The following ALX4 variants were observed in gnomAD, a reference collection of about 807,000 sequenced individuals.
ALX4 encodes homeobox protein aristaless-like 4.
A neutral mutation model predicts 40.6 loss-of-function variants in ALX4; 22 were observed. The ratio of observed to expected loss-of-function variants is 0.54; its 90% CI spans 0.39 to 0.77. The LOEUF is 0.77. Ranked by LOEUF, ALX4 falls within the 30% of genes least tolerant of loss-of-function variation. ALX4 has a pLI of 0.00. For missense variants in ALX4, 556 were observed against 564.8 expected, an observed-to-expected ratio of 0.98 and a Z score of 0.16; for synonymous variants, 266 against 240.5, an observed-to-expected ratio of 1.11 and a Z score of -0.98.
chr11:44,281,570 G>A (rs1029123521), intron 1 of ALX4, among the ~76,000 whole-genome samples: 11 of 151,944 alleles, frequency 7.2e-5, no homozygotes, highest in African/African-American at 1.7e-4. Flanking sequence ...ACCCTGTGGC[G>A]GAGTGCACAC....
At chr11:44,280,337 C>A (rs1490775909) in intron 1 of ALX4, among the ~76,000 whole-genome samples, 4 of 152,242 alleles carry the variant, frequency 2.6e-5, no homozygotes. Flanking sequence ...CACACCCACC[C>A]TGCCACCACA....
intron 1 of ALX4, among the ~76,000 whole-genome samples, chr11:44,292,554 A>C (rs1347950846): frequency 6.6e-6 from 1 of 152,118 alleles, no homozygotes; most frequent in East Asian, 1.9e-4. Flanking sequence ...CAACTTCCTT[A>C]AAGTTGATAA....
At chr11:44,298,536 A>G (rs1956416743) in intron 1 of ALX4, among the ~76,000 whole-genome samples, 1 of 152,176 alleles carries the variant, frequency 6.6e-6, no homozygotes, top group South Asian at 2.1e-4. Context: ...AGCGGGCAGG[A>G]CACGGAACTC....
chr11:44,304,588 G>A (rs2119904895), intron 1 of ALX4, among the ~76,000 whole-genome samples: 1 of 152,290 alleles, frequency 6.6e-6, no homozygotes, highest in African/African-American at 2.4e-5. Context: ...CAGTCCAGGG[G>A]TCTGCAGAGA....
chr11:44,298,989 T>C (rs1371278134), intron 1 of ALX4, among the ~76,000 whole-genome samples: 3 of 152,106 alleles, frequency 2.0e-5, no homozygotes, highest in Admixed American at 2.0e-4. Flanking sequence ...GCATCTACTA[T>C]ATAGACTAGC....
Position 44,300,941 on chromosome 11 carries a change from C to T in ALX4, c.466+8656G>A, listed in dbSNP as rs114015275. 4.5e-3 allele frequency among the ~76,000 whole-genome samples: 687 copies of T among 152,342 alleles called. 5 individuals carry two copies. The highest frequency in any genetic ancestry group is 0.016 in the African/African-American group (662 of 41,590). ...CTACCAAACCCTGGTGGCGCCTGCA[C>T]GCCCCAGGGCAAGCCAGCCTGACCT... On this transcript the variant is annotated intron_variant, in intron 1 of 3. Transcript: ENST00000652299.
At chr11:44,291,153 T>G (rs1025195562) in intron 1 of ALX4, among the ~76,000 whole-genome samples, 4 of 152,132 alleles carry the variant, frequency 2.6e-5, no homozygotes, top group Non-Finnish European at 4.4e-5. Context: ...CACATACATA[T>G]AACAAAGACT....
intron 1 of ALX4, among the ~76,000 whole-genome samples, chr11:44,298,629 T>C (rs989113477): frequency 2.0e-5 from 3 of 152,016 alleles, no homozygotes; most frequent in Non-Finnish European, 2.9e-5. Context: ...CCCCGGGGGC[T>C]GTGGCAGTCA....
chr11:44,278,850 T>A (rs1590693253), intron 1 of ALX4, among the ~76,000 whole-genome samples: 1 of 151,478 alleles, frequency 6.6e-6, no homozygotes, highest in Admixed American at 6.6e-5. Flanking sequence ...AGGGGGAGGG[T>A]GTGCCTGTGT....
rs1956493649 is a variant in ALX4, at chr11:44,309,644, T to A, written c.419A>T (p.Gln140Leu). 43 of 1,593,496 alleles carry A rather than the reference T, an allele frequency of 2.7e-5. No homozygotes were observed. The highest frequency in any genetic ancestry group is 3.5e-5 in the Non-Finnish European group (41 of 1,176,154). ...CGCGCTGTGGCCGCTGCTGCCTTCC[T>A]GGAGTTTGAGGCTGCCGTCCGGGGG... ...KTPPDGSLKL[Q>L]EGSSGHSAAL... is the part of the protein sequence containing the mutation. The change falls in exon 1 of 4, where the codon CAG (glutamine) becomes CTG (leucine). Residue 140 changes from glutamine to leucine, a missense_variant. Coordinates refer to ENST00000652299, the MANE Select transcript of ALX4 (RefSeq NM_021926.4).
At chr11:44,298,717 A>G (rs1956417872) in intron 1 of ALX4, among the ~76,000 whole-genome samples, 1 of 152,038 alleles carries the variant, frequency 6.6e-6, no homozygotes, top group Non-Finnish European at 1.5e-5. Context: ...CGACTGCTAG[A>G]GTTGGAGAAG....
chr11:44,272,276 T>G (rs1590689614), intron 2 of ALX4, among the ~76,000 whole-genome samples: 1 of 152,104 alleles, frequency 6.6e-6, no homozygotes, highest in Non-Finnish European at 1.5e-5. Flanking sequence ...GAGGCTGAGG[T>G]GGTGGATCAC....
At chr11:44,286,093 G>A (rs2119838232) in intron 1 of ALX4, among the ~76,000 whole-genome samples, 1 of 152,322 alleles carries the variant, frequency 6.6e-6, no homozygotes, top group African/African-American at 2.4e-5. Flanking sequence ...CCCAGGCCCT[G>A]GAGCTGGGCT....
At chr11:44,303,203 G>T (rs1180164386) in intron 1 of ALX4, among the ~76,000 whole-genome samples, 2 of 152,104 alleles carry the variant, frequency 1.3e-5, no homozygotes, top group Admixed American at 1.3e-4. Flanking sequence ...GTCCCTCTAC[G>T]AGGTGCGTGG....
chr11:44,289,456 T>G lies in ALX4; in HGVS notation c.467-13798A>C, dbSNP rs1228029175. 3.3e-5 allele frequency among the ~76,000 whole-genome samples: 5 copies of G among 152,300 alleles called. No individual in the cohort carries two copies. In the East Asian group the frequency reaches 9.7e-4, roughly 29 times the overall value. On this transcript the variant is annotated intron_variant, in intron 1 of 3. Coordinates refer to ENST00000652299, the MANE Select transcript of ALX4 (RefSeq NM_021926.4). ...TGAGGTCAGTGTTGGTATCTCTGTT[T>G]CACAGATGAGAAAACTGAGGTCCAG...
intron 1 of ALX4, among the ~76,000 whole-genome samples, chr11:44,294,476 A>C (rs796177671): frequency 2.5e-4 from 38 of 152,350 alleles, no homozygotes; most frequent in African/African-American, 8.7e-4. Context: ...TCCCCAGCTC[A>C]TGACACATGT....
chr11:44,283,811 G>T (rs112034495), intron 1 of ALX4, among the ~76,000 whole-genome samples: 1 of 152,086 alleles, frequency 6.6e-6, no homozygotes, highest in Non-Finnish European at 1.5e-5. Context: ...TGATCCACCC[G>T]TCTTGGTCTC....
intron 1 of ALX4, among the ~76,000 whole-genome samples, chr11:44,283,436 C>T (rs538038801): frequency 6.6e-6 from 1 of 151,978 alleles, no homozygotes; most frequent in African/African-American, 2.4e-5. Context: ...CTAGAGAGAA[C>T]GTTCATCATG....
intron 1 of ALX4, among the ~76,000 whole-genome samples, chr11:44,276,408 C>G (rs1342064228): frequency 1.3e-5 from 2 of 152,232 alleles, no homozygotes; most frequent in African/African-American, 4.8e-5. Context: ...ACGCTGACCC[C>G]GGGCCTGGGT....
Sources: gnomAD v4.1 joint callset for allele counts (sites outside exome capture counted in the v4.1 genomes callset) on GRCh38, gnomAD v4.1.1 for gene constraint, MANE v1.5 for transcripts, NCBI Gene and HGNC (gene_info 2026-07-23, HGNC 2026-07-21) for gene names.